The following ANKRD30BL variants were observed in gnomAD, a reference collection of about 807,000 sequenced individuals.
ANKRD30BL encodes the protein putative ankyrin repeat domain-containing protein 30B-like.
A neutral mutation model predicts 18.4 loss-of-function variants in ANKRD30BL; 20 were observed. The ratio of observed to expected loss-of-function variants is 1.09; its 90% CI spans 0.77 to 1.58. The LOEUF is 1.58. Ranked by LOEUF, ANKRD30BL falls within the 40% of genes most tolerant of loss-of-function variation. The pLI is 0.00. For missense variants in ANKRD30BL, 224 were observed against 268.6 expected, an observed-to-expected ratio of 0.83 and a Z score of 1.16; for synonymous variants, 72 against 100.9, an observed-to-expected ratio of 0.71 and a Z score of 1.72.
chr2:132,206,139 C>T (rs1377003557), intron 1 of ANKRD30BL, among the ~76,000 whole-genome samples: 1 of 151,472 alleles, frequency 6.6e-6, no homozygotes, highest in South Asian at 2.1e-4. Context: ...GCATGGGTGA[C>T]AGAGCAAGAG....
intron 1 of ANKRD30BL, among the ~76,000 whole-genome samples, chr2:132,198,278 T>C (rs1679008368): frequency 2.5e-4 from 2 of 7,860 alleles, no homozygotes; most frequent in East Asian, 3.7e-3. Context: ...TTTTCTTTCT[T>C]TCTTTCTTTC....
intron 1 of ANKRD30BL, among the ~76,000 whole-genome samples, chr2:132,181,986 C>T (rs1688472665): frequency 6.6e-6 from 1 of 151,998 alleles, no homozygotes; most frequent in South Asian, 2.1e-4. Flanking sequence ...TGGTGCATGC[C>T]TGTAATCCCA....
rs888585647 is a variant in ANKRD30BL at position 132,230,256 on chromosome 2, A to G, written n.441+27273T>C. Among the ~76,000 whole-genome samples the G allele has an allele frequency of 2.0e-5, 3 of 152,256 alleles. No homozygotes were observed. The South Asian group carries it at 6.2e-4, about 32-fold the overall frequency. On this transcript the variant is annotated intron_variant and non_coding_transcript_variant, in intron 1 of 4. Coordinates refer to the ANKRD30BL transcript ENST00000470729. Reference sequence around the variant, plus strand: ...AAGCAGTCTTTTAGTAGAATCTGCAAGTGAATTTATGGACCGCTTTGAGGC... The same window carrying G: ...AAGCAGTCTTTTAGTAGAATCTGCAGGTGAATTTATGGACCGCTTTGAGGC...
rs116444293 is a variant in ANKRD30BL, at chr2:132,172,670, C to G, written n.442-15524G>C. 6.4e-3 allele frequency among the ~76,000 whole-genome samples: 960 copies of G among 150,832 alleles called. 12 individuals carry two copies. Among genetic ancestry groups the G allele is most frequent in the African/African-American group, 0.021 (851 of 41,176 alleles). ...TATCACATATGTGATTTGCAGACAT[C>G]TCCCATTCTTTGAGTTGTTGTTCCA... On this transcript the variant is annotated intron_variant and non_coding_transcript_variant, in intron 1 of 4. Coordinates refer to the ANKRD30BL transcript ENST00000470729.
At chr2:132,209,624 T>A (rs1386762262) in intron 1 of ANKRD30BL, among the ~76,000 whole-genome samples, 3 of 152,110 alleles carry the variant, frequency 2.0e-5, no homozygotes. Context: ...ACACTTCTTT[T>A]GAAGGATCTG....
At chr2:132,153,777 T>C in intron 4 of ANKRD30BL, 1 of 598,566 alleles carries the variant, frequency 1.7e-6, no homozygotes, top group Non-Finnish European at 2.8e-6. Flanking sequence ...ACCATTTACA[T>C]GTATTAACAA....
rs531017497 is a variant in ANKRD30BL at position 132,187,118 on chromosome 2, T to A, written n.442-29972A>T. Among the ~76,000 whole-genome samples, 392 of 149,516 alleles carry A rather than the reference T, an allele frequency of 2.6e-3. 5 individuals carry two copies. Among genetic ancestry groups the A allele is most frequent in the African/African-American group, 9.0e-3 (369 of 40,862 alleles). ...CAGGCAGCTAAGATATTTATTTTTTTAAAAAAAGGATAGAAAACTTTGTAA... is the reference window on the plus strand; with the variant it reads ...CAGGCAGCTAAGATATTTATTTTTTAAAAAAAAGGATAGAAAACTTTGTAA... On this transcript the variant is annotated intron_variant and non_coding_transcript_variant, in intron 1 of 4. Transcript: ENST00000470729.
intron 1 of ANKRD30BL, among the ~76,000 whole-genome samples, chr2:132,214,345 A>G (rs1558936940): frequency 6.6e-6 from 1 of 152,058 alleles, no homozygotes; most frequent in South Asian, 2.1e-4. Context: ...TAAAAACTAG[A>G]CAGAGGCATT....
chr2:132,248,681 G>T (rs2104806085), intron 1 of ANKRD30BL, among the ~76,000 whole-genome samples: 1 of 152,136 alleles, frequency 6.6e-6, no homozygotes, highest in East Asian at 1.9e-4. Context: ...CAAGAACAGA[G>T]TTTCCAGACT....
At chr2:132,171,072 C>T (rs1238120558) in intron 1 of ANKRD30BL, among the ~76,000 whole-genome samples, 6 of 150,554 alleles carry the variant, frequency 4.0e-5, no homozygotes, top group East Asian at 3.9e-4. Context: ...AGGAGAATGG[C>T]GTGAACCCGG....
chr2:132,232,315 AC>A (rs1337100684), intron 1 of ANKRD30BL, among the ~76,000 whole-genome samples: 1 of 152,208 alleles, frequency 6.6e-6, no homozygotes, highest in Non-Finnish European at 1.5e-5. Flanking sequence ...CTCACCAGCA[AC>A]GGAACAAAGC....
At chr2:132,156,913 T>C (rs1406375301) in intron 3 of ANKRD30BL, 60 bp downstream of exon 3, 9 of 482,436 alleles carry the variant, frequency 1.9e-5, no homozygotes, top group Non-Finnish European at 2.9e-5. Flanking sequence ...AATTTACATA[T>C]GTTAATGTTA....
intron 1 of ANKRD30BL, among the ~76,000 whole-genome samples, chr2:132,178,445 GTAGT>G (rs1006821538): frequency 1.6e-4 from 24 of 152,278 alleles, no homozygotes; most frequent in African/African-American, 5.5e-4. Flanking sequence ...TAAATGCATG[GTAGT>G]TAGAATGTGT....
chr2:132,220,146 CT>C (rs1434459240), intron 1 of ANKRD30BL, among the ~76,000 whole-genome samples: 1 of 152,134 alleles, frequency 6.6e-6, no homozygotes, highest in Non-Finnish European at 1.5e-5. Flanking sequence ...ATTTAGTGGC[CT>C]TCGTTGGAAA....
intron 1 of ANKRD30BL, among the ~76,000 whole-genome samples, chr2:132,195,693 AG>A (rs1678949110): frequency 6.7e-6 from 1 of 149,072 alleles, no homozygotes; most frequent in Admixed American, 6.7e-5. Context: ...CAAGAAGCTG[AG>A]GCAGAAGAAT....
At chr2:132,249,607 T>C (rs1485195668) in intron 1 of ANKRD30BL, among the ~76,000 whole-genome samples, 1 of 151,792 alleles carries the variant, frequency 6.6e-6, no homozygotes, top group Non-Finnish European at 1.5e-5. Flanking sequence ...AAAAAAAAGT[T>C]TCTCAGAAAG....
Position 132,157,323 on chromosome 2 carries a change from T to C in ANKRD30BL, c.319A>G (p.Thr107Ala). Residue 107 changes from threonine (T) to alanine (A), a missense_variant, in exon 2 of 6, where the codon ACC (threonine) becomes GCC (alanine). Thr to Ala is a moderately conservative substitution (Grantham distance 58). Transcript: ENST00000409867. Reference sequence around the variant, plus strand: ...CTACCATTTACCTTCATCAGAATGGTCCTGTTTTCACCATCAAGGACGTCA... The same window carrying C: ...CTACCATTTACCTTCATCAGAATGGCCCTGTTTTCACCATCAAGGACGTCA... ...QLDVLDGENR[T>A]ILMKALQCQR... The C allele has an allele frequency of 1.3e-6, 1 of 772,926 alleles. No individual in the cohort carries two copies. Among genetic ancestry groups the C allele is most frequent in the Non-Finnish European group, 2.3e-6 (1 of 433,626 alleles). The allele number at this position is 772,926 out of a possible 1,614,324, so 47.9% of individuals were successfully genotyped here.
chr2:132,237,131 G>C (rs1040595271), intron 1 of ANKRD30BL, among the ~76,000 whole-genome samples: 1 of 151,550 alleles, frequency 6.6e-6, no homozygotes, highest in African/African-American at 2.4e-5. Context: ...GTTGTGAGGT[G>C]GGGGGAGGGG....
chr2:132,207,493 G>A (rs1679232841), intron 1 of ANKRD30BL, among the ~76,000 whole-genome samples: 1 of 152,080 alleles, frequency 6.6e-6, no homozygotes, highest in African/African-American at 2.4e-5. Context: ...CTGATTATCG[G>A]ACCAAACCAT....
Sources: allele counts gnomAD v4.1 joint callset (sites outside exome capture counted in the v4.1 genomes callset), GRCh38; gene constraint gnomAD v4.1.1; transcripts MANE v1.5; gene names NCBI Gene and HGNC (gene_info 2026-07-23, HGNC 2026-07-21).